Variants in ANK2 observed in about 807,000 individuals in gnomAD.
ANK2 encodes the protein ankyrin-2.
ANK2 carries 83 observed loss-of-function variants against 360.5 expected under a neutral mutation model. That is an observed-to-expected ratio of 0.23 (90% confidence interval 0.19 to 0.28). The LOEUF (loss-of-function observed/expected upper bound fraction) is 0.28. Among genes scored for constraint, ANK2 ranks in the 10% least tolerant of loss-of-function variants. The probability of loss-of-function intolerance (pLI) is 1.00; values close to 1 mark genes in which losing one functional copy is unlikely to be tolerated. For missense variants in ANK2, 4,201 were observed against 4,795.7 expected, an observed-to-expected ratio of 0.88 and a Z score of 3.66; for synonymous variants, 1,740 against 1,759.5, an observed-to-expected ratio of 0.99 and a Z score of 0.28.
chr4:113,083,224 G>A (rs2083126564), intron 1 of ANK2, among the ~76,000 whole-genome samples: 2 of 152,192 alleles, frequency 1.3e-5, no homozygotes, highest in Non-Finnish European at 2.9e-5. Flanking sequence ...CGTTGCCTAT[G>A]CTGGAGTGCA....
At chr4:112,736,016 G>C in the ANK2 span, among the ~76,000 whole-genome samples, 1 of 152,048 alleles carries the variant, frequency 6.6e-6, no homozygotes, top group African/African-American at 2.4e-5. Flanking sequence ...CATAGTCTAT[G>C]TTCCCAGAAT....
rs28408036 is a variant in ANK2 at position 113,361,601 on chromosome 4, C to A, written c.10756+704C>A. On this transcript the variant is annotated intron_variant, in intron 39 of 45. Coordinates refer to ENST00000357077, the MANE Select transcript of ANK2 (RefSeq NM_001148.6). ...GAGACAAACATTGTAAAATAATATT[C>A]TTTTCCTTTCCATTTCTTAGATTTG... 4.5e-3 allele frequency among the ~76,000 whole-genome samples: 639 copies of A among 143,050 alleles called. 5 individuals are homozygous for A. The highest frequency in any genetic ancestry group is 0.016 in the African/African-American group (606 of 38,760). 93.8% of individuals were successfully genotyped at this position (143,050 alleles called of 152,430 possible).
intron 2 of ANK2, among the ~76,000 whole-genome samples, chr4:112,957,592 C>T (rs1213230500): frequency 3.4e-5 from 5 of 149,148 alleles, no homozygotes; most frequent in African/African-American, 7.4e-5. Context: ...TAGGGGCGGC[C>T]GGGCAGAGGC....
chr4:113,037,528 T>C (rs2061878755), intron 2 of ANK2, among the ~76,000 whole-genome samples: 1 of 151,968 alleles, frequency 6.6e-6, no homozygotes, highest in South Asian at 2.1e-4. Context: ...AGATACTATA[T>C]AGTAATTTGT....
At position 113,084,866 on chromosome 4, in the gene ANK2, C is replaced by T. The variant is rs144019550; in HGVS notation, c.84+35054C>T. ...GCAAAGTACTTCCAAGTCCTTATGC[C>T]ATTTTAGCCTCTCAATGAGCCTCTG... On this transcript the variant is annotated intron_variant, in intron 1 of 45. Transcript: ENST00000357077. Among the ~76,000 whole-genome samples, 3 of 152,248 alleles carry T rather than the reference C, an allele frequency of 2.0e-5. No homozygotes were observed. The East Asian group carries it at 5.8e-4, about 29-fold the overall frequency.
At chr4:112,754,400 C>T in the ANK2 span, among the ~76,000 whole-genome samples, 1 of 151,330 alleles carries the variant, frequency 6.6e-6, no homozygotes, top group East Asian at 1.9e-4. Context: ...TTCTAACATC[C>T]TATGGTTGAT....
chr4:112,948,279 A>C (rs1427319834), intron 2 of ANK2, among the ~76,000 whole-genome samples: 1 of 152,200 alleles, frequency 6.6e-6, no homozygotes, highest in Non-Finnish European at 1.5e-5. Context: ...ACTTTGGAGA[A>C]GCCATATGTA....
chr4:112,748,751 T>G, the ANK2 span, among the ~76,000 whole-genome samples: 2 of 152,220 alleles, frequency 1.3e-5, no homozygotes, highest in Admixed American at 6.5e-5. Flanking sequence ...ACCACTTGAT[T>G]GGAGGACATT....
intron 2 of ANK2, among the ~76,000 whole-genome samples, chr4:113,185,184 A>C (rs1423444396): frequency 6.6e-6 from 1 of 152,140 alleles, no homozygotes; most frequent in African/African-American, 2.4e-5. Context: ...ATGTGTCTTT[A>C]TAGTAGAATG....
chr4:112,804,054 T>G, the ANK2 span, among the ~76,000 whole-genome samples: 1 of 151,532 alleles, frequency 6.6e-6, no homozygotes, highest in East Asian at 1.9e-4. Flanking sequence ...AGTCTCGCTC[T>G]GTCACCCAGG....
chr4:113,251,087 A>G (rs1369651726), intron 10 of ANK2, among the ~76,000 whole-genome samples: 1 of 152,242 alleles, frequency 6.6e-6, no homozygotes, highest in African/African-American at 2.4e-5. Context: ...AGAGATAATT[A>G]TGTAAAGTTT....
intron 4 of ANK2, among the ~76,000 whole-genome samples, chr4:113,203,436 CAA>C (rs35032155): frequency 0.055 from 8,030 of 145,848 alleles, 273 homozygotes; most frequent in African/African-American, 0.098. Flanking sequence ...TCTCTGATTG[CAA>C]AAAAAAAAAA....
chr4:113,314,257 C>T (rs1279064876), intron 24 of ANK2, among the ~76,000 whole-genome samples: 4 of 152,182 alleles, frequency 2.6e-5, no homozygotes, highest in African/African-American at 9.7e-5. Flanking sequence ...GAAGCTTCTT[C>T]ATATCTTAAA....
At chr4:113,200,720 G>A (rs541540988) in intron 4 of ANK2, among the ~76,000 whole-genome samples, 13 of 152,136 alleles carry the variant, frequency 8.5e-5, no homozygotes, top group East Asian at 1.9e-4. Flanking sequence ...TCTTTATCCC[G>A]TCAACCATTG....
intron 1 of ANK2, among the ~76,000 whole-genome samples, chr4:113,124,125 G>A (rs768841090): frequency 3.9e-5 from 6 of 152,244 alleles, no homozygotes; most frequent in Middle Eastern, 3.4e-3. Flanking sequence ...AGTTATCCAA[G>A]CTAAGTTTTT....
intron 4 of ANK2, among the ~76,000 whole-genome samples, chr4:113,209,344 A>T (rs1234693858): frequency 6.6e-6 from 1 of 151,976 alleles, no homozygotes; most frequent in Non-Finnish European, 1.5e-5. Context: ...CTAGATCCAG[A>T]CAAGGGAGGG....
chr4:113,342,694 C>T (rs572925052), intron 33 of ANK2, among the ~76,000 whole-genome samples: 16 of 148,244 alleles, frequency 1.1e-4, no homozygotes, highest in African/African-American at 3.5e-4. Flanking sequence ...AGTGAGACTC[C>T]GTCTCAAAAA....
intron 20 of ANK2, 100 bp from the exon 21 acceptor site, chr4:113,292,316 T>C: frequency 3.7e-6 from 4 of 1,073,584 alleles, no homozygotes; most frequent in Non-Finnish European, 5.6e-6. Flanking sequence ...GCATCTGTGA[T>C]GGTTTTGTTG....
rs775008205 is a variant in ANK2 at position 113,274,475 on chromosome 4, T to A, written c.1509T>A (p.Ile503=). Residue 503 remains isoleucine (I), a synonymous_variant, in exon 15 of 46, where the codon ATT becomes ATA. Coordinates refer to ENST00000357077, the MANE Select transcript of ANK2 (RefSeq NM_001148.6). ...AGGAGGAACAGACACCTTTACATAT[T>A]GCCTCCCGCCTGGGTAAGACAGAAA... The part of the protein sequence containing the change: ...RAREEQTPLH[I]ASRLGKTEIV... 3.1e-6 allele frequency: 5 copies of A among 1,614,108 alleles called. No homozygotes were observed. In the African/African-American group the frequency reaches 6.7e-5, roughly 22 times the overall value.
Sources: allele counts gnomAD v4.1 joint callset (sites outside exome capture counted in the v4.1 genomes callset), GRCh38; gene constraint gnomAD v4.1.1; transcripts MANE v1.5; gene names NCBI Gene and HGNC (gene_info 2026-07-23, HGNC 2026-07-21).